GLG1: variants seen among roughly 807,000 people sequenced by gnomAD.
GLG1 encodes Golgi apparatus protein 1.
A neutral mutation model predicts 160.5 loss-of-function variants in GLG1; 38 were observed. That is an observed-to-expected ratio of 0.24 (90% CI 0.18 to 0.31). The LOEUF is 0.31. Among genes scored for constraint, GLG1 ranks in the 10% least tolerant of loss-of-function variants. GLG1 has a pLI of 1.00. For synonymous variants in GLG1, 644 were observed against 543.4 expected (o/e 1.19, Z -2.57); for missense variants, 1,373 against 1,505.2 (o/e 0.91, Z 1.45).
intron 2 of GLG1, among the ~76,000 whole-genome samples, chr16:74,530,061 T>A (rs1030264582): frequency 2.0e-5 from 3 of 151,858 alleles, no homozygotes; most frequent in African/African-American, 7.3e-5. Flanking sequence ...CACCCAGCCT[T>A]CCAAAATTCT....
At chr16:74,486,307 G>C (rs1176353989) in intron 8 of GLG1, among the ~76,000 whole-genome samples, 4 of 152,228 alleles carry the variant, frequency 2.6e-5, no homozygotes, top group African/African-American at 9.6e-5. Flanking sequence ...TTCACTTAGA[G>C]ACCTAATTGG....
Position 74,453,014 on chromosome 16 carries a change from A to C in GLG1, c.*153T>G. 7.2e-7 allele frequency: 1 copy of C among 1,382,900 alleles called. No homozygotes were observed. Among genetic ancestry groups the C allele is most frequent in the South Asian group, 1.9e-5 (1 of 51,474 alleles). The allele number at this position is 1,382,900 out of a possible 1,614,324, so 85.7% of individuals were successfully genotyped here. Reference sequence around the variant, plus strand: ...AGGAGGACACCATGGACACGAGTGGAGGCTGGATGGGACAACGCAGTGGAC... The same window carrying C: ...AGGAGGACACCATGGACACGAGTGGCGGCTGGATGGGACAACGCAGTGGAC... On this transcript the variant is annotated 3_prime_UTR_variant, in exon 26 of 26. Transcript: ENST00000422840.
intron 1 of GLG1, among the ~76,000 whole-genome samples, chr16:74,590,968 T>G (rs541107048): frequency 6.6e-6 from 1 of 151,078 alleles, no homozygotes; most frequent in East Asian, 1.9e-4. Context: ...AAAATTAAAA[T>G]ATAAAAATAT....
At chr16:74,467,637 G>A in intron 18 of GLG1, 119 bp downstream of exon 18, 1 of 676,810 alleles carries the variant, frequency 1.5e-6, no homozygotes. Context: ...GATGGGTCCT[G>A]TCTCACCAGC....
At chr16:74,483,902 G>A (rs1271954361) in intron 9 of GLG1, among the ~76,000 whole-genome samples, 1 of 152,016 alleles carries the variant, frequency 6.6e-6, no homozygotes, top group Non-Finnish European at 1.5e-5. Flanking sequence ...CTCGTGATCT[G>A]CCCGCCTCGG....
In GLG1 at chr16:74,452,329, TGGGATCCTGCTGCCCCGGGA is replaced by T; in HGVS notation, c.*818_*837del. 7.2e-7 allele frequency: 1 copy of T among 1,395,680 alleles called. No homozygotes were observed. The allele number at this position is 1,395,680 out of a possible 1,614,324, so 86.5% of individuals were successfully genotyped here. A position where few individuals can be genotyped will look rare whatever the true frequency, so the allele number is the denominator to read the frequency against. ...TGCTGCCCTGGAGGAGGAAGGTTCC[TGGGATCCTGCTGCCCCGGGA>T]CTCAGGATCCAGCCTCTCAGTGCAG... On this transcript the variant is annotated 3_prime_UTR_variant, in exon 26 of 26. Coordinates refer to ENST00000422840, the MANE Select transcript of GLG1 (RefSeq NM_001145667.2).
chr16:74,597,286 CTGGGCGTGG>C (rs1958327838), intron 1 of GLG1, among the ~76,000 whole-genome samples: 1 of 151,162 alleles, frequency 6.6e-6, no homozygotes, highest in African/African-American at 2.4e-5. Flanking sequence ...CAAAAATTAC[CTGGGCGTGG>C]TGGGGTGCGC....
intron 6 of GLG1, among the ~76,000 whole-genome samples, chr16:74,493,992 T>G (rs897050612): frequency 6.6e-6 from 1 of 151,880 alleles, no homozygotes. Context: ...TTGGCCAACA[T>G]GGTGAAACCC....
chr16:74,545,824 C>G (rs995642776), intron 1 of GLG1, among the ~76,000 whole-genome samples: 1 of 152,168 alleles, frequency 6.6e-6, no homozygotes, highest in Non-Finnish European at 1.5e-5. Flanking sequence ...TCATGCCTAC[C>G]ACTTCCAGTC....
chr16:74,596,584 T>A (rs1958308457), intron 1 of GLG1, among the ~76,000 whole-genome samples: 1 of 152,204 alleles, frequency 6.6e-6, no homozygotes, highest in Non-Finnish European at 1.5e-5. Flanking sequence ...CAAAATCAAA[T>A]GTGTATTTTA....
chr16:74,553,626 C>G (rs1230541744), intron 1 of GLG1, among the ~76,000 whole-genome samples: 4 of 151,994 alleles, frequency 2.6e-5, no homozygotes, highest in African/African-American at 9.7e-5. Flanking sequence ...GTGCCTGCCA[C>G]CACGCCCGGC....
At chr16:74,456,892 A>T in intron 24 of GLG1, 137 bp from the exon 25 acceptor site, 1 of 637,908 alleles carries the variant, frequency 1.6e-6, no homozygotes. Flanking sequence ...ACATACTAGG[A>T]AACTTGATCC....
chr16:74,470,287 CCTTT>C (rs2015150511), intron 15 of GLG1, among the ~76,000 whole-genome samples: 2 of 150,328 alleles, frequency 1.3e-5, no homozygotes, highest in African/African-American at 4.9e-5. Context: ...CTCCTTCCTT[CCTTT>C]CCTTCCTTCC....
intron 8 of GLG1, among the ~76,000 whole-genome samples, chr16:74,487,749 G>A (rs946280107): frequency 4.6e-5 from 7 of 152,142 alleles, no homozygotes; most frequent in Non-Finnish European, 8.8e-5. Flanking sequence ...ACAGGCAAAC[G>A]TCAAGAAACA....
intron 1 of GLG1, among the ~76,000 whole-genome samples, chr16:74,588,218 T>C (rs541408227): frequency 2.2e-4 from 34 of 152,040 alleles, no homozygotes; most frequent in African/African-American, 7.5e-4. Flanking sequence ...TCTGAAGAAA[T>C]AGTGGGCAAA....
chr16:74,460,207 G>A (rs1479134426), intron 22 of GLG1, among the ~76,000 whole-genome samples: 1 of 152,168 alleles, frequency 6.6e-6, no homozygotes, highest in Non-Finnish European at 1.5e-5. Context: ...TTTTAGTAGA[G>A]ACAGAGTTTC....
At chr16:74,565,678 T>TA (rs2018635684) in intron 1 of GLG1, among the ~76,000 whole-genome samples, 1 of 152,186 alleles carries the variant, frequency 6.6e-6, no homozygotes, top group Non-Finnish European at 1.5e-5. Context: ...TCTCCAACCA[T>TA]ACACCAGCAC....
chr16:74,511,719 G>A (rs1433188093), intron 2 of GLG1, among the ~76,000 whole-genome samples: 2 of 151,520 alleles, frequency 1.3e-5, no homozygotes, highest in African/African-American at 2.4e-5. Flanking sequence ...CTATTTTATC[G>A]AATGCAAAGT....
intron 16 of GLG1, 70 bp from the exon 17 acceptor site, chr16:74,469,133 G>C (rs2303277): frequency 4.9e-5 from 47 of 954,778 alleles, no homozygotes; most frequent in South Asian, 3.2e-4. Flanking sequence ...CTGGGCTTGG[G>C]GGGGGTCACA....
Sources: gnomAD v4.1 joint callset for allele counts (sites outside exome capture counted in the v4.1 genomes callset) on GRCh38, gnomAD v4.1.1 for gene constraint, MANE v1.5 for transcripts, NCBI Gene and HGNC (gene_info 2026-07-23, HGNC 2026-07-21) for gene names.